Variants in ARHGAP22 observed in about 807,000 individuals in gnomAD.
The protein encoded by ARHGAP22 is rho GTPase-activating protein 22.
Under a neutral mutation model 59.1 loss-of-function variants are expected in ARHGAP22, and 48 were observed. The ratio of observed to expected loss-of-function variants is 0.81; its 90% confidence interval spans 0.64 to 1.03. ARHGAP22 has a LOEUF of 1.03. Among genes scored for constraint, ARHGAP22 ranks in the 50% least tolerant of loss-of-function variants. ARHGAP22 has a pLI of 0.00. For missense variants in ARHGAP22, 1,015 were observed against 958.7 expected (o/e 1.06, Z -0.78); for synonymous variants, 445 against 416.4 (o/e 1.07, Z -0.84).
chr10:48,471,192 G>A (rs1017446770), intron 4 of ARHGAP22, among the ~76,000 whole-genome samples: 3 of 152,160 alleles, frequency 2.0e-5, no homozygotes, highest in Non-Finnish European at 2.9e-5. Context: ...CCAGAGGCCT[G>A]TGAGATTCCC....
intron 1 of ARHGAP22, among the ~76,000 whole-genome samples, chr10:48,616,942 T>A (rs905443193): frequency 4.6e-5 from 7 of 152,064 alleles, no homozygotes; most frequent in African/African-American, 1.4e-4. Context: ...AATTATTAAT[T>A]TTTTTGCAAC....
chr10:48,469,300 G>T (rs1470380455), intron 4 of ARHGAP22, among the ~76,000 whole-genome samples: 1 of 152,226 alleles, frequency 6.6e-6, no homozygotes, highest in Non-Finnish European at 1.5e-5. Flanking sequence ...CCCACCTCAG[G>T]GGTGGTTTTT....
chr10:48,437,640 G>C, the ARHGAP22 span: 1 of 152,058 alleles, frequency 6.6e-6, no homozygotes, highest in Non-Finnish European at 1.5e-5. Context: ...TATACTATAC[G>C]CAGATAGAGC....
intron 1 of ARHGAP22, among the ~76,000 whole-genome samples, chr10:48,611,690 C>G (rs2060890101): frequency 6.6e-6 from 1 of 152,010 alleles, no homozygotes. Flanking sequence ...TGCCTTCTCT[C>G]ATTGCTCACA....
chr10:48,470,544 C>A (rs1486911498), intron 4 of ARHGAP22, among the ~76,000 whole-genome samples: 1 of 152,178 alleles, frequency 6.6e-6, no homozygotes, highest in Non-Finnish European at 1.5e-5. Context: ...ACCCTCTATA[C>A]CCAGAAGAGG....
At chr10:48,449,791 C>T (rs2045720109) in intron 9 of ARHGAP22, among the ~76,000 whole-genome samples, 1 of 151,326 alleles carries the variant, frequency 6.6e-6, no homozygotes, top group East Asian at 1.9e-4. Flanking sequence ...CTTGGTTCAG[C>T]AGGGAAACTG....
At chr10:48,479,415 T>G (rs2049056394) in intron 4 of ARHGAP22, among the ~76,000 whole-genome samples, 1 of 152,142 alleles carries the variant, frequency 6.6e-6, no homozygotes, top group Non-Finnish European at 1.5e-5. Context: ...TACATTTAGA[T>G]GTCTAATACA....
intron 2 of ARHGAP22, among the ~76,000 whole-genome samples, chr10:48,579,231 G>A (rs2058960639): frequency 6.6e-6 from 1 of 151,922 alleles, no homozygotes; most frequent in South Asian, 2.1e-4. Context: ...TCAATTCAAA[G>A]CCAAGAAACC....
At chr10:48,652,120 C>A (rs996505422) in intron 1 of ARHGAP22, 5 of 998,492 alleles carry the variant, frequency 5.0e-6, no homozygotes, top group Non-Finnish European at 7.5e-6. Context: ...CCACAGATGC[C>A]GCCTGGTGCT....
intron 3 of ARHGAP22, among the ~76,000 whole-genome samples, chr10:48,501,445 G>C (rs907262020): frequency 1.3e-5 from 2 of 152,244 alleles, no homozygotes; most frequent in Admixed American, 6.5e-5. Flanking sequence ...GGTGCTCTTG[G>C]CTGGTTTACC....
At position 48,555,351 on chromosome 10, in the gene ARHGAP22, G is replaced by C. The variant is rs185864652; in HGVS notation, c.322+112C>G. 5.2e-4 allele frequency: 540 copies of C among 1,030,462 alleles called. 2 individuals carry two copies. In the African/African-American group the frequency reaches 8.0e-3, roughly 15 times the overall value. The allele number at this position is 1,030,462 out of a possible 1,614,324, so 63.8% of individuals were successfully genotyped here. Reference sequence around the variant, plus strand: ...CCCACATTTCCGAGTCATGCCTGGAGACTGTGCTGTGGCTCCTGCGGGAGG... The same window carrying C: ...CCCACATTTCCGAGTCATGCCTGGACACTGTGCTGTGGCTCCTGCGGGAGG... On this transcript the variant is annotated intron_variant, in intron 3 of 9. Coordinates refer to ENST00000249601, the MANE Select transcript of ARHGAP22 (RefSeq NM_021226.4).
chr10:48,436,141 G>A, the ARHGAP22 span: 2 of 152,328 alleles, frequency 1.3e-5, no homozygotes, highest in East Asian at 1.9e-4. Flanking sequence ...TATCAAATGA[G>A]CAATATACCG....
chr10:48,602,284 A>C (rs2060430558), intron 1 of ARHGAP22, among the ~76,000 whole-genome samples: 1 of 151,952 alleles, frequency 6.6e-6, no homozygotes, highest in African/African-American at 2.4e-5. Flanking sequence ...AGACATTGAC[A>C]CTCCTGCTAC....
At chr10:48,451,438 A>G (rs933950526) in intron 8 of ARHGAP22, 1 of 702,888 alleles carries the variant, frequency 1.4e-6, no homozygotes, top group African/African-American at 1.7e-5. Flanking sequence ...AGCAGGCACC[A>G]AGGCTGCACG....
rs114718809 is a variant in ARHGAP22, at chr10:48,618,064, C to T, written c.52+34170G>A. Among the ~76,000 whole-genome samples, 386 of 151,710 alleles carry T rather than the reference C, an allele frequency of 2.5e-3. 3 individuals carry two copies. Among genetic ancestry groups the T allele is most frequent in the African/African-American group, 8.6e-3 (357 of 41,414 alleles). On this transcript the variant is annotated intron_variant, in intron 1 of 9. Transcript: ENST00000435790. ...AGAGATTAATGTGTACAACTATATA[C>T]CAACAAATGAAAATAAATAAATTAT...
intron 1 of ARHGAP22, among the ~76,000 whole-genome samples, chr10:48,596,801 G>A (rs183750483): frequency 6.6e-5 from 10 of 152,288 alleles, no homozygotes; most frequent in South Asian, 2.1e-4. Context: ...GACAGTTTTC[G>A]CTACAGCCTT....
chr10:48,489,394 C>T (rs957322857), intron 3 of ARHGAP22, among the ~76,000 whole-genome samples: 2 of 152,204 alleles, frequency 1.3e-5, no homozygotes, highest in Admixed American at 6.5e-5. Flanking sequence ...TGCCCATAAA[C>T]TCATTCTGTT....
At chr10:48,634,050 G>A (rs765952948) in intron 1 of ARHGAP22, among the ~76,000 whole-genome samples, 9 of 152,220 alleles carry the variant, frequency 5.9e-5, no homozygotes, top group Non-Finnish European at 1.0e-4. Flanking sequence ...CTGGCAGGAA[G>A]TGTTATCTGC....
chr10:48,509,299 G>A (rs2052507598), intron 3 of ARHGAP22, among the ~76,000 whole-genome samples: 1 of 152,190 alleles, frequency 6.6e-6, no homozygotes, highest in South Asian at 2.1e-4. Context: ...GCATCGCTCA[G>A]GAGCACCCAG....
Sources: gnomAD v4.1 joint callset for allele counts (sites outside exome capture counted in the v4.1 genomes callset) on GRCh38, gnomAD v4.1.1 for gene constraint, MANE v1.5 for transcripts, NCBI Gene and HGNC (gene_info 2026-07-23, HGNC 2026-07-21) for gene names.